Variants in THSD7A observed in about 807,000 individuals in gnomAD.
The protein encoded by THSD7A is thrombospondin type 1 domain containing 7A.
Under a neutral mutation model 231.3 loss-of-function variants are expected in THSD7A, and 96 were observed. The observed-to-expected ratio is 0.41, with a 90% CI of 0.35 to 0.49. The LOEUF (loss-of-function observed/expected upper bound fraction) is 0.49, where lower values mean the gene tolerates loss of function less well. THSD7A is among the 20% of genes least tolerant of loss of function. The probability of loss-of-function intolerance (pLI) is 0.05; values close to 1 mark genes in which losing one functional copy is unlikely to be tolerated. For missense variants in THSD7A, 2,290 were observed against 2,070.2 expected (o/e 1.11, Z -2.06); for synonymous variants, 940 against 743.3 (o/e 1.26, Z -4.30).
Position 11,406,477 on chromosome 7 carries a change from G to A in THSD7A, c.4063-3C>T. On this transcript the variant is annotated splice_region_variant and splice_polypyrimidine_tract_variant and intron_variant, in intron 21 of 27. Transcript: ENST00000423059. The surrounding 1 kb of genome is among the most constrained non-coding windows in gnomAD (Gnocchi z 4.7). Reference sequence around the variant, plus strand: ...GTCCCTTCTCCACACTGGGCCTCCTGGAATGGAGGAAGAAATAACTAATTA... The same window carrying A: ...GTCCCTTCTCCACACTGGGCCTCCTAGAATGGAGGAAGAAATAACTAATTA... 6.2e-7 allele frequency: 1 copy of A among 1,600,526 alleles called. No homozygotes were observed. The highest frequency in any genetic ancestry group is 8.5e-7 in the Non-Finnish European group (1 of 1,175,504).
intron 23 of THSD7A, chr7:11,384,927 A>T (rs1782670182): frequency 1.3e-5 from 2 of 151,992 alleles, no homozygotes; most frequent in Admixed American, 6.6e-5. Flanking sequence ...TAAAATTTAC[A>T]TGTTATAATA....
chr7:11,656,225 T>C (rs1782699461), intron 1 of THSD7A, among the ~76,000 whole-genome samples: 2 of 151,928 alleles, frequency 1.3e-5, no homozygotes, highest in South Asian at 4.1e-4. Flanking sequence ...TAAGAGTGAA[T>C]GCATGACAAA....
intron 2 of THSD7A, among the ~76,000 whole-genome samples, chr7:11,604,623 T>C (rs1354323413): frequency 2.0e-5 from 3 of 152,284 alleles, no homozygotes; most frequent in Non-Finnish European, 4.4e-5. Context: ...CTCCAAGTCA[T>C]ACAGCTAGAA....
chr7:11,505,677 A>G lies in THSD7A; in HGVS notation c.1823-23695T>C, dbSNP rs139946576. 4.9e-3 allele frequency among the ~76,000 whole-genome samples: 754 copies of G among 152,332 alleles called. 4 individuals are homozygous for G. Among genetic ancestry groups the G allele is most frequent in the Middle Eastern group, 0.014 (4 of 294 alleles). ...AATAATCCTTTCCATTAGAATGAAAAATAAGAATGCATACAACATTGGGTG... is the reference window on the plus strand; with the variant it reads ...AATAATCCTTTCCATTAGAATGAAAGATAAGAATGCATACAACATTGGGTG... On this transcript the variant is annotated intron_variant, in intron 6 of 27. Transcript: ENST00000423059.
chr7:11,759,434 T>C (rs903828349), intron 1 of THSD7A, among the ~76,000 whole-genome samples: 2 of 152,078 alleles, frequency 1.3e-5, no homozygotes, highest in African/African-American at 2.4e-5. Flanking sequence ...GTAGAAATCA[T>C]TCACAGTGTG....
Position 11,474,013 on chromosome 7 carries a change from C to T in THSD7A, c.2252+321G>A, listed in dbSNP as rs893687801. Among the ~76,000 whole-genome samples, 1 of 152,142 alleles carries T rather than the reference C, an allele frequency of 6.6e-6. No individual in the cohort carries two copies. The highest frequency in any genetic ancestry group is 2.4e-5 in the African/African-American group (1 of 41,430). On this transcript the variant is annotated intron_variant, in intron 8 of 27. Coordinates refer to ENST00000423059, the MANE Select transcript of THSD7A (RefSeq NM_015204.3). This position sits in a 1 kb window ranked among gnomAD's most constrained non-coding sequence, Gnocchi z 4.1. ...TGACCTACACTGCCAGGACCTAGTA[C>T]ACTGTCATTATTGATCAGCCAGGCT...
chr7:11,449,300 C>T (rs1256274013), intron 11 of THSD7A, among the ~76,000 whole-genome samples: 2 of 151,980 alleles, frequency 1.3e-5, no homozygotes, highest in African/African-American at 4.8e-5. Context: ...ATGAAGATCC[C>T]TGGACCCAAA....
chr7:11,683,199 C>G (rs1783936249), intron 1 of THSD7A, among the ~76,000 whole-genome samples: 1 of 151,246 alleles, frequency 6.6e-6, no homozygotes, highest in African/African-American at 2.4e-5. Context: ...TCAATATCAT[C>G]AGGAGCTCTT....
At chr7:11,723,285 T>G (rs1293878361) in intron 1 of THSD7A, among the ~76,000 whole-genome samples, 4 of 137,444 alleles carry the variant, frequency 2.9e-5, no homozygotes, top group Non-Finnish European at 6.1e-5. Flanking sequence ...TGAGAACACA[T>G]TGACACAGGA....
chr7:11,812,161 T>C (rs770307153), intron 1 of THSD7A, among the ~76,000 whole-genome samples: 2 of 148,600 alleles, frequency 1.3e-5, no homozygotes, highest in Non-Finnish European at 3.0e-5. Flanking sequence ...GAGAGAGATA[T>C]GGGGAGAGGG....
chr7:11,815,083 CAA>C (rs71027433), intron 1 of THSD7A, among the ~76,000 whole-genome samples: 1 of 147,360 alleles, frequency 6.8e-6, no homozygotes. Flanking sequence ...CCCTAAAACT[CAA>C]AAAAAAAAAG....
intron 2 of THSD7A, among the ~76,000 whole-genome samples, chr7:11,622,211 A>G (rs1263506788): frequency 6.6e-6 from 1 of 152,136 alleles, no homozygotes; most frequent in Non-Finnish European, 1.5e-5. Context: ...TCCAAATTGT[A>G]CATACATCAC....
At chr7:11,668,007 C>A (rs1783213897) in intron 1 of THSD7A, among the ~76,000 whole-genome samples, 1 of 152,156 alleles carries the variant, frequency 6.6e-6, no homozygotes, top group Non-Finnish European at 1.5e-5. Context: ...ACACAGGAAC[C>A]AGAAAGCTGA....
chr7:11,425,992 G>A (rs112093201), intron 15 of THSD7A, among the ~76,000 whole-genome samples: 34 of 151,778 alleles, frequency 2.2e-4, no homozygotes, highest in African/African-American at 7.7e-4. Context: ...GCACCAGCAT[G>A]GCACATGTAT....
intron 19 of THSD7A, among the ~76,000 whole-genome samples, chr7:11,410,917 T>G (rs749199551): frequency 6.6e-6 from 1 of 152,062 alleles, no homozygotes; most frequent in African/African-American, 2.4e-5. Context: ...GTAGTCTGAT[T>G]AAAATTTATT....
intron 4 of THSD7A, among the ~76,000 whole-genome samples, chr7:11,572,944 T>C (rs1282254010): frequency 1.3e-5 from 2 of 152,214 alleles, no homozygotes; most frequent in Admixed American, 1.3e-4. Context: ...GTAGAGAACC[T>C]CGATTATGTC....
intron 2 of THSD7A, among the ~76,000 whole-genome samples, chr7:11,635,470 A>G (rs2128359753): frequency 6.6e-6 from 1 of 152,344 alleles, no homozygotes; most frequent in South Asian, 2.1e-4. Flanking sequence ...TTCATAATAT[A>G]GTCATTATGT....
chr7:11,830,222 A>G (rs1283566767), intron 1 of THSD7A, among the ~76,000 whole-genome samples: 1 of 152,202 alleles, frequency 6.6e-6, no homozygotes, highest in Non-Finnish European at 1.5e-5. Context: ...GATGCTGTAC[A>G]GTGAATGTTG....
At chr7:11,539,962 C>T (rs188285502) in intron 6 of THSD7A, among the ~76,000 whole-genome samples, 250 of 152,202 alleles carry the variant, frequency 1.6e-3, no homozygotes, top group African/African-American at 5.5e-3. Flanking sequence ...TCAATACGAC[C>T]CTGACTGTTT....
Sources: gnomAD v4.1 joint callset for allele counts (sites outside exome capture counted in the v4.1 genomes callset) on GRCh38, gnomAD v4.1.1 for gene constraint, Gnocchi (gnomAD v3.1) non-coding constraint, MANE v1.5 for transcripts, NCBI Gene and HGNC (gene_info 2026-07-23, HGNC 2026-07-21) for gene names.